ANK2: variants seen among roughly 807,000 people sequenced by gnomAD.
ANK2 encodes ankyrin 2, also known as ankyrin-2.
Under a neutral mutation model 360.5 loss-of-function variants are expected in ANK2, and 83 were observed. The ratio of observed to expected loss-of-function variants is 0.23; its 90% CI spans 0.19 to 0.28. ANK2 has a LOEUF of 0.28. Ranked by LOEUF, ANK2 falls within the 10% of genes least tolerant of loss-of-function variation. ANK2 has a pLI of 1.00. For synonymous variants in ANK2, 1,740 were observed against 1,759.5 expected (o/e 0.99, Z 0.28); for missense variants, 4,201 against 4,795.7 (o/e 0.88, Z 3.66).
intron 1 of ANK2, among the ~76,000 whole-genome samples, chr4:113,149,382 A>G (rs933703636): frequency 6.6e-6 from 1 of 152,188 alleles, no homozygotes; most frequent in African/African-American, 2.4e-5. Flanking sequence ...TTTGAACTCT[A>G]AAAGAATATA....
At chr4:112,985,122 G>A in intron 2 of ANK2, among the ~76,000 whole-genome samples, 1 of 152,176 alleles carries the variant, frequency 6.6e-6, no homozygotes, top group Non-Finnish European at 1.5e-5. Flanking sequence ...CTGCTATGAA[G>A]ACAGACATAT....
intron 1 of ANK2, among the ~76,000 whole-genome samples, chr4:113,072,951 G>GTTTTTT (rs1580777093): frequency 1.1e-5 from 1 of 92,630 alleles, no homozygotes; most frequent in African/African-American, 5.1e-5. Context: ...CAAGGACAGT[G>GTTTTTT]TCTTTTTTTT....
At chr4:113,021,752 A>G (rs1201795838) in intron 2 of ANK2, among the ~76,000 whole-genome samples, 1 of 151,944 alleles carries the variant, frequency 6.6e-6, no homozygotes, top group Non-Finnish European at 1.5e-5. Context: ...TTCGTGTTAC[A>G]TATAAATATG....
chr4:112,790,059 A>C, the ANK2 span, among the ~76,000 whole-genome samples: 9 of 152,204 alleles, frequency 5.9e-5, no homozygotes, highest in Non-Finnish European at 1.2e-4. Flanking sequence ...CAAGATGGTG[A>C]TAGCAAAGGA....
At chr4:112,908,331 A>G (rs906891609) in intron 2 of ANK2, among the ~76,000 whole-genome samples, 2 of 152,196 alleles carry the variant, frequency 1.3e-5, no homozygotes, top group African/African-American at 4.8e-5. Context: ...AACTTGTCAA[A>G]CTCATACTGC....
At chr4:112,761,033 T>C in the ANK2 span, among the ~76,000 whole-genome samples, 1 of 151,864 alleles carries the variant, frequency 6.6e-6, no homozygotes, top group African/African-American at 2.4e-5. Flanking sequence ...GGTCTTGAAC[T>C]CCTGCCCACA....
intron 2 of ANK2, among the ~76,000 whole-genome samples, chr4:112,914,609 G>A (rs13101803): frequency 4.0e-5 from 6 of 151,752 alleles, no homozygotes; most frequent in Non-Finnish European, 8.8e-5. Flanking sequence ...GTCTCAAAAA[G>A]AAAAGAAAAG....
chr4:113,381,089 T>C (rs2097156863), intron 45 of ANK2, among the ~76,000 whole-genome samples: 1 of 152,208 alleles, frequency 6.6e-6, no homozygotes, highest in Admixed American at 6.5e-5. Context: ...TGTGGTACTA[T>C]TTCAGAATTA....
intron 1 of ANK2, among the ~76,000 whole-genome samples, chr4:113,093,527 A>T (rs1450964422): frequency 6.6e-6 from 1 of 152,026 alleles, no homozygotes; most frequent in African/African-American, 2.4e-5. Context: ...TTTAGTAGAG[A>T]CAGAGTTTCA....
the ANK2 span, among the ~76,000 whole-genome samples, chr4:112,805,394 A>G: frequency 6.6e-6 from 1 of 152,092 alleles, no homozygotes; most frequent in Non-Finnish European, 1.5e-5. Context: ...GGTAACATGA[A>G]CCAAAATGGG....
At chr4:112,976,908 G>A (rs1251074929) in intron 2 of ANK2, among the ~76,000 whole-genome samples, 1 of 152,132 alleles carries the variant, frequency 6.6e-6, no homozygotes, top group East Asian at 1.9e-4. Flanking sequence ...AGGTAGAAAG[G>A]GTGACCTCAC....
At chr4:112,946,808 A>G (rs1317077933) in intron 2 of ANK2, among the ~76,000 whole-genome samples, 1 of 152,212 alleles carries the variant, frequency 6.6e-6, no homozygotes, top group Non-Finnish European at 1.5e-5. Flanking sequence ...TGAAACCTGA[A>G]GAGATTATGT....
intron 31 of ANK2, among the ~76,000 whole-genome samples, chr4:113,337,313 T>A (rs2093669199): frequency 6.6e-6 from 1 of 152,240 alleles, no homozygotes; most frequent in Non-Finnish European, 1.5e-5. Flanking sequence ...ACTTAAAGGT[T>A]TTCAGTGATT....
rs2049030194 is a variant in ANK2 at position 113,255,892 on chromosome 4, T to A, written c.1148T>A (p.Leu383His). 6.2e-7 allele frequency: 1 copy of A among 1,613,940 alleles called. No individual in the cohort carries two copies. The highest frequency in any genetic ancestry group is 8.5e-7 in the Non-Finnish European group (1 of 1,180,018). ...AHCGHYRVTK[L>H]LLDKRANPNA... ...TGTGGCCACTACCGTGTAACCAAAC[T>A]CCTTTTAGACAAGAGAGCCAATCCG... The change falls in exon 11 of 46, where the codon CTC becomes CAC. Residue 383 changes from leucine to histidine, a missense_variant. Transcript: ENST00000357077.
chr4:113,216,049 T>C (rs2099081934), intron 4 of ANK2, among the ~76,000 whole-genome samples: 1 of 152,236 alleles, frequency 6.6e-6, no homozygotes, highest in Non-Finnish European at 1.5e-5. Context: ...TAAATCGGGC[T>C]ACTCTGTCAT....
At chr4:113,131,946 C>G (rs984281542) in intron 1 of ANK2, among the ~76,000 whole-genome samples, 2 of 152,142 alleles carry the variant, frequency 1.3e-5, no homozygotes, top group African/African-American at 4.8e-5. Flanking sequence ...AGGCTTTTTT[C>G]TTCTTTTTCC....
At position 112,914,771 on chromosome 4, in the gene ANK2, G is replaced by C. The variant is rs1216734850; in HGVS notation, c.21+10257G>C. 2.0e-5 allele frequency among the ~76,000 whole-genome samples: 3 copies of C among 152,134 alleles called. 1 individual carries two copies. The South Asian group carries it at 6.2e-4, about 32-fold the overall frequency. On this transcript the variant is annotated intron_variant, in intron 2 of 30. Transcript: ENST00000503271. ...GTTTCCTAAAATTTAGAGCTAGAAG[G>C]GGTTGGAAAGAGCCGATCCTACCCC...
chr4:113,145,506 C>T, intron 1 of ANK2: 1 of 762,320 alleles, frequency 1.3e-6, no homozygotes, highest in Non-Finnish European at 1.6e-6. Flanking sequence ...ATGTGTGAGG[C>T]AGGCTGCTTG....
At chr4:113,219,967 G>T (rs115423781) in intron 4 of ANK2, among the ~76,000 whole-genome samples, 4,250 of 152,246 alleles carry the variant, frequency 0.028, 99 homozygotes, top group East Asian at 0.068. Flanking sequence ...AATAAAAAAT[G>T]TAAATGGGTA....
Sources: gnomAD v4.1 joint callset for allele counts (sites outside exome capture counted in the v4.1 genomes callset) on GRCh38, gnomAD v4.1.1 for gene constraint, MANE v1.5 for transcripts, NCBI Gene and HGNC (gene_info 2026-07-23, HGNC 2026-07-21) for gene names.